Variants in EPHB1 observed in about 807,000 individuals in gnomAD.
The protein encoded by EPHB1 is EPH receptor B1.
EPHB1 carries 30 observed loss-of-function variants against 94.4 expected under a neutral mutation model. The ratio of observed to expected loss-of-function variants is 0.32; its 90% CI spans 0.24 to 0.43. EPHB1 has a LOEUF of 0.43. Among genes scored for constraint, EPHB1 ranks in the 20% least tolerant of loss-of-function variants. The probability of loss-of-function intolerance (pLI) is 1.00; values close to 1 mark genes in which losing one functional copy is unlikely to be tolerated. For synonymous variants in EPHB1, 522 were observed against 489.1 expected (o/e 1.07, Z -0.89); for missense variants, 1,055 against 1,308.3 (o/e 0.81, Z 2.99).
intron 1 of EPHB1, among the ~76,000 whole-genome samples, chr3:134,857,437 C>G (rs1171702667): frequency 1.3e-5 from 2 of 152,118 alleles, no homozygotes; most frequent in African/African-American, 4.8e-5. Flanking sequence ...CACTTTTTCA[C>G]CAGGACGCGT....
At chr3:135,126,173 A>T (rs1023759284) in intron 4 of EPHB1, among the ~76,000 whole-genome samples, 4 of 152,154 alleles carry the variant, frequency 2.6e-5, no homozygotes, top group Non-Finnish European at 4.4e-5. Flanking sequence ...AGAGTGCTAA[A>T]GTTGATATTG....
At chr3:134,866,255 G>A (rs1424056342) in intron 1 of EPHB1, among the ~76,000 whole-genome samples, 1 of 152,224 alleles carries the variant, frequency 6.6e-6, no homozygotes, top group South Asian at 2.1e-4. Flanking sequence ...AAGATATGGT[G>A]AAAATGATTG....
In EPHB1 at chr3:135,122,881, A is replaced by G. The variant is rs889644943; in HGVS notation, c.962-9833A>G. Among the ~76,000 whole-genome samples, 76 of 152,128 alleles carry G rather than the reference A, an allele frequency of 5.0e-4. 1 individual carries two copies. Among genetic ancestry groups the G allele is most frequent in the Admixed American group, 5.0e-3 (76 of 15,278 alleles). On this transcript the variant is annotated intron_variant, in intron 4 of 15. Coordinates refer to ENST00000398015, the MANE Select transcript of EPHB1 (RefSeq NM_004441.5). The stretch of plus-strand genomic sequence containing the variant: ...TCATTTCTTCTTATTACTAACTGTT[A>G]TGATTAGGAGAATTGCCTGAGTACA...
chr3:135,175,269 A>G (rs1004527537), intron 9 of EPHB1, among the ~76,000 whole-genome samples: 1 of 152,214 alleles, frequency 6.6e-6, no homozygotes, highest in Non-Finnish European at 1.5e-5. Flanking sequence ...ATCCTGATCT[A>G]CTGATGGAAG....
intron 1 of EPHB1, among the ~76,000 whole-genome samples, chr3:134,821,861 A>G (rs1287929693): frequency 2.6e-5 from 4 of 152,062 alleles, no homozygotes; most frequent in African/African-American, 9.7e-5. Flanking sequence ...CTTTTTTCCA[A>G]CCTGGGTTTG....
intron 1 of EPHB1, among the ~76,000 whole-genome samples, chr3:134,870,796 A>C (rs2037483582): frequency 6.6e-6 from 1 of 152,254 alleles, no homozygotes; most frequent in African/African-American, 2.4e-5. Flanking sequence ...TCCAGTACAG[A>C]GTAAGTACTT....
Position 134,811,398 on chromosome 3 carries a change from C to G in EPHB1, c.58+15709C>G, listed in dbSNP as rs572115799. ...GAATTATAGGCGAGCACCACCATGG[C>G]TGGCTAATTTTTGTATTTTTAGTAG... On this transcript the variant is annotated intron_variant, in intron 1 of 15. Transcript: ENST00000398015. Among the ~76,000 whole-genome samples, 3 of 152,104 alleles carry G rather than the reference C, an allele frequency of 2.0e-5. No homozygotes were observed. In the East Asian group the frequency reaches 5.8e-4, roughly 29 times the overall value.
intron 3 of EPHB1, among the ~76,000 whole-genome samples, chr3:134,967,493 G>T (rs766305343): frequency 1.2e-4 from 19 of 152,082 alleles, no homozygotes; most frequent in Non-Finnish European, 2.5e-4. Context: ...GTTATCAAGG[G>T]AGTGGGTTAG....
intron 2 of EPHB1, among the ~76,000 whole-genome samples, chr3:134,941,181 C>A (rs1043846553): frequency 5.3e-5 from 8 of 152,338 alleles, no homozygotes; most frequent in African/African-American, 1.4e-4. Flanking sequence ...GAGGGGCCAA[C>A]TATCAAACAT....
intron 1 of EPHB1, among the ~76,000 whole-genome samples, chr3:134,909,904 G>C (rs939217842): frequency 6.6e-6 from 1 of 152,146 alleles, no homozygotes; most frequent in Non-Finnish European, 1.5e-5. Context: ...TTTCCACTCA[G>C]GTACAAGCCT....
chr3:135,231,008 A>G (rs1157602099), intron 12 of EPHB1, among the ~76,000 whole-genome samples: 3 of 152,146 alleles, frequency 2.0e-5, no homozygotes, highest in African/African-American at 4.8e-5. Context: ...CTTTGCTGTC[A>G]TGAATAGCGA....
At chr3:134,908,481 G>A (rs59709055) in intron 1 of EPHB1, among the ~76,000 whole-genome samples, 45,266 of 152,180 alleles carry the variant, frequency 0.3, 7,638 homozygotes, top group East Asian at 0.47. Context: ...GTCACTCTGC[G>A]CTGTGTGGAG....
intron 5 of EPHB1, among the ~76,000 whole-genome samples, chr3:135,151,167 G>T (rs1941181929): frequency 6.6e-6 from 1 of 152,164 alleles, no homozygotes; most frequent in African/African-American, 2.4e-5. Context: ...ATTCTATTTG[G>T]AGCACAGCAG....
At chr3:134,985,671 A>C (rs1934571065) in intron 3 of EPHB1, among the ~76,000 whole-genome samples, 1 of 152,168 alleles carries the variant, frequency 6.6e-6, no homozygotes, top group Non-Finnish European at 1.5e-5. Flanking sequence ...TGAGGACTAA[A>C]TGAGATGAGT....
At chr3:134,813,095 A>G (rs139814267) in intron 1 of EPHB1, among the ~76,000 whole-genome samples, 1 of 152,168 alleles carries the variant, frequency 6.6e-6, no homozygotes, top group African/African-American at 2.4e-5. Flanking sequence ...AGTGGGGAAG[A>G]GTGGGCCATG....
chr3:135,088,126 TA>T (rs1251535062), intron 3 of EPHB1, among the ~76,000 whole-genome samples: 1 of 152,230 alleles, frequency 6.6e-6, no homozygotes, highest in African/African-American at 2.4e-5. Context: ...GTCCCTTTCC[TA>T]AGCCTCTCGT....
chr3:134,851,588 C>A (rs1190721185), intron 1 of EPHB1, among the ~76,000 whole-genome samples: 1 of 152,176 alleles, frequency 6.6e-6, no homozygotes, highest in African/African-American at 2.4e-5. Context: ...CAGTCTTGTT[C>A]CTTGGGCTAC....
At chr3:135,100,617 G>C (rs1351840409) in intron 3 of EPHB1, among the ~76,000 whole-genome samples, 2 of 152,158 alleles carry the variant, frequency 1.3e-5, no homozygotes, top group Non-Finnish European at 2.9e-5. Context: ...CACTTAATCT[G>C]TTTCTTTATA....
chr3:135,078,364 C>T lies in EPHB1; in HGVS notation c.806-28084C>T, dbSNP rs576872240. Among the ~76,000 whole-genome samples the T allele has an allele frequency of 1.6e-4, 25 of 152,330 alleles. 1 individual carries two copies. In the South Asian group the frequency reaches 5.0e-3, roughly 30 times the overall value. On this transcript the variant is annotated intron_variant, in intron 3 of 15. Coordinates refer to ENST00000398015, the MANE Select transcript of EPHB1 (RefSeq NM_004441.5). ...TGCCTGTCTGCTGGAGGGAGAGGAA[C>T]CATGCTGGGCAGGGCACCCCAAGCC...
Sources: allele counts gnomAD v4.1 joint callset (sites outside exome capture counted in the v4.1 genomes callset), GRCh38; gene constraint gnomAD v4.1.1; transcripts MANE v1.5; gene names NCBI Gene and HGNC (gene_info 2026-07-23, HGNC 2026-07-21).